The following REPS1 variants were observed in gnomAD, a reference collection of about 807,000 sequenced individuals.
REPS1 encodes RALBP1 associated Eps domain containing 1.
REPS1 carries 39 observed loss-of-function variants against 100.9 expected under a neutral mutation model. That is an observed-to-expected ratio of 0.39 (90% CI 0.30 to 0.50). REPS1 has a LOEUF of 0.50. Ranked by LOEUF, REPS1 falls within the 20% of genes least tolerant of loss-of-function variation. The probability of loss-of-function intolerance (pLI) is 0.86; values close to 1 mark genes in which losing one functional copy is unlikely to be tolerated. For synonymous variants in REPS1, 324 were observed against 340.3 expected, an observed-to-expected ratio of 0.95 and a Z score of 0.53; for missense variants, 821 against 968.5, an observed-to-expected ratio of 0.85 and a Z score of 2.02.
chr6:138,926,149 T>A (rs1781104048), intron 10 of REPS1, among the ~76,000 whole-genome samples: 1 of 152,096 alleles, frequency 6.6e-6, no homozygotes, highest in Non-Finnish European at 1.5e-5. Flanking sequence ...CAAAATAGAT[T>A]GTCACAAAAA....
intron 1 of REPS1, among the ~76,000 whole-genome samples, chr6:138,971,313 G>T (rs774339643): frequency 4.6e-5 from 7 of 152,076 alleles, no homozygotes; most frequent in Non-Finnish European, 1.0e-4. Flanking sequence ...TAATTCTGAC[G>T]TGGCACATGT....
chr6:138,977,343 T>C (rs1197994159), intron 1 of REPS1, among the ~76,000 whole-genome samples: 2 of 152,170 alleles, frequency 1.3e-5, no homozygotes, highest in South Asian at 4.1e-4. Flanking sequence ...AGTTAGCATG[T>C]TGTTATTACA....
rs1785377299 is a variant in REPS1, at chr6:138,987,950, C to T, written c.-268G>A. Reference sequence around the variant, plus strand: ...TGCGACTACGGCTCCGGCTCCGGCTCCGGCTCCGGCCGCGGGGAGGGTGCA... The same window carrying T: ...TGCGACTACGGCTCCGGCTCCGGCTTCGGCTCCGGCCGCGGGGAGGGTGCA... On this transcript the variant is annotated 5_prime_UTR_variant, in exon 1 of 20. Transcript: ENST00000450536. The T allele has an allele frequency of 2.7e-6, 1 of 366,130 alleles. No homozygotes were observed. Among genetic ancestry groups the T allele is most frequent in the Non-Finnish European group, 4.7e-6 (1 of 212,674 alleles). The allele number at this position is 366,130 out of a possible 1,614,324, so 22.7% of individuals were successfully genotyped here.
intron 19 of REPS1, among the ~76,000 whole-genome samples, chr6:138,905,557 C>T (rs1401415398): frequency 2.6e-5 from 4 of 151,154 alleles, no homozygotes; most frequent in Non-Finnish European, 5.9e-5. Context: ...TCCCAAAGTG[C>T]TGGGATTACA....
intron 19 of REPS1, among the ~76,000 whole-genome samples, chr6:138,906,128 T>A (rs1471077119): frequency 6.6e-6 from 1 of 152,250 alleles, no homozygotes; most frequent in Non-Finnish European, 1.5e-5. Flanking sequence ...TTCATGGTAT[T>A]ATACTACTAA....
intron 1 of REPS1, among the ~76,000 whole-genome samples, chr6:138,987,219 TTAACAA>T (rs1344300827): frequency 6.6e-6 from 1 of 152,228 alleles, no homozygotes; most frequent in African/African-American, 2.4e-5. Flanking sequence ...TTCACACACA[TTAACAA>T]CCTAAGATCC....
At chr6:138,956,519 A>G (rs1783401820) in intron 1 of REPS1, among the ~76,000 whole-genome samples, 1 of 151,882 alleles carries the variant, frequency 6.6e-6, no homozygotes, top group African/African-American at 2.4e-5. Flanking sequence ...ATGAAACGTT[A>G]GAGAAAAACT....
intron 7 of REPS1, among the ~76,000 whole-genome samples, chr6:138,941,987 C>T (rs1782288959): frequency 1.3e-5 from 2 of 152,032 alleles, no homozygotes. Context: ...CAAGTGATTC[C>T]CTTGCCTCAG....
At chr6:138,980,265 G>GT (rs1357901370) in intron 1 of REPS1, among the ~76,000 whole-genome samples, 3 of 152,160 alleles carry the variant, frequency 2.0e-5, no homozygotes, top group Non-Finnish European at 2.9e-5. Context: ...ATCCACTAGC[G>GT]TATCTGCTTC....
intron 1 of REPS1, among the ~76,000 whole-genome samples, chr6:138,954,688 T>C (rs1783261231): frequency 6.6e-6 from 1 of 152,176 alleles, no homozygotes; most frequent in African/African-American, 2.4e-5. Flanking sequence ...CAATTATTAA[T>C]TCTTTTAAAT....
intron 1 of REPS1, among the ~76,000 whole-genome samples, chr6:138,960,362 T>C (rs1783659267): frequency 6.6e-6 from 1 of 152,202 alleles, no homozygotes; most frequent in Non-Finnish European, 1.5e-5. Context: ...TTTTTGTTTT[T>C]GTGGGTTATA....
intron 8 of REPS1, among the ~76,000 whole-genome samples, chr6:138,931,657 C>T (rs1781492530): frequency 6.6e-6 from 1 of 152,082 alleles, no homozygotes; most frequent in Non-Finnish European, 1.5e-5. Flanking sequence ...AGGAAGACTT[C>T]ACATATTATT....
chr6:138,962,646 T>G (rs1783804772), intron 1 of REPS1, among the ~76,000 whole-genome samples: 1 of 152,152 alleles, frequency 6.6e-6, no homozygotes, highest in Non-Finnish European at 1.5e-5. Context: ...TGCTTCACAC[T>G]TGCTGTATCT....
intron 1 of REPS1, among the ~76,000 whole-genome samples, chr6:138,949,361 C>A (rs530514176): frequency 6.6e-6 from 1 of 152,170 alleles, no homozygotes. Flanking sequence ...ATTTGCATTT[C>A]TTTTCCTGAC....
chr6:138,959,441 TC>T (rs1232172699), intron 1 of REPS1, among the ~76,000 whole-genome samples: 5 of 149,194 alleles, frequency 3.4e-5, no homozygotes, highest in African/African-American at 7.6e-5. Flanking sequence ...GCTGCCAATA[TC>T]CTTTCCAAAA....
intron 15 of REPS1, among the ~76,000 whole-genome samples, 197 bp downstream of exon 15, chr6:138,914,500 G>C (rs2272431): frequency 1.3e-5 from 2 of 152,038 alleles, no homozygotes; most frequent in Non-Finnish European, 2.9e-5. Flanking sequence ...CACTTTTAAG[G>C]CTCTTTCAAA....
At chr6:138,914,084 T>G (rs539605093) in intron 15 of REPS1, among the ~76,000 whole-genome samples, 18 of 151,926 alleles carry the variant, frequency 1.2e-4, no homozygotes, top group African/African-American at 4.4e-4. Context: ...TTTTGTTTTG[T>G]TTTGAGACAG....
intron 8 of REPS1, among the ~76,000 whole-genome samples, chr6:138,936,623 G>A (rs1040519089): frequency 8.9e-6 from 1 of 111,842 alleles, no homozygotes; most frequent in Non-Finnish European, 1.8e-5. Flanking sequence ...GAGTATGTTT[G>A]GGGGGGGGTA....
chr6:138,914,435 C>T (rs909295022), intron 15 of REPS1, among the ~76,000 whole-genome samples: 1 of 152,152 alleles, frequency 6.6e-6, no homozygotes, highest in African/African-American at 2.4e-5. Flanking sequence ...TCCTATCTCC[C>T]AATCCATTGT....
Sources: gnomAD v4.1 joint callset for allele counts (sites outside exome capture counted in the v4.1 genomes callset) on GRCh38, gnomAD v4.1.1 for gene constraint, MANE v1.5 for transcripts, NCBI Gene and HGNC (gene_info 2026-07-23, HGNC 2026-07-21) for gene names.